FBXW4: variants seen among roughly 807,000 people sequenced by gnomAD.
The protein encoded by FBXW4 is F-box/WD repeat-containing protein 4.
In FBXW4, 40 loss-of-function variants were observed where a neutral mutation model predicts 61.8. That is an observed-to-expected ratio of 0.65 (90% CI 0.50 to 0.84). The LOEUF is 0.84. FBXW4 is among the 40% of genes least tolerant of loss of function. FBXW4 has a pLI of 0.00. For synonymous variants in FBXW4, 311 were observed against 313.8 expected (o/e 0.99, Z 0.10); for missense variants, 672 against 753.8 (o/e 0.89, Z 1.27).
Position 101,694,850 on chromosome 10 carries a change from C to G in FBXW4, c.256G>C (p.Glu86Gln), listed in dbSNP as rs2064659775. 2.3e-6 allele frequency: 3 copies of G among 1,280,776 alleles called. No individual in the cohort carries two copies. The highest frequency in any genetic ancestry group is 3.0e-6 in the Non-Finnish European group (3 of 1,016,154). The allele number at this position is 1,280,776 out of a possible 1,614,324, so 79.3% of individuals were successfully genotyped here. A position where few individuals can be genotyped will look rare whatever the true frequency, so the allele number is the denominator to read the frequency against. ...GARACPREEA[E>Q]GGRSVEEGAR... is the part of the protein sequence containing the mutation. Reference sequence around the variant, plus strand: ...CCTTCCTCCACGCTTCTGCCTCCCTCTGCTTCCTCCCTTGGGCATGCCCTC... The same window carrying G: ...CCTTCCTCCACGCTTCTGCCTCCCTGTGCTTCCTCCCTTGGGCATGCCCTC... The change falls in exon 1 of 9, where the codon GAG becomes CAG. Residue 86 changes from glutamate (E) to glutamine (Q), a missense_variant. Transcript: ENST00000331272. This position sits in a 1 kb window ranked among gnomAD's most constrained non-coding sequence, Gnocchi z 6.0.
At chr10:101,614,577 A>C (rs2063812292) in intron 6 of FBXW4, among the ~76,000 whole-genome samples, 1 of 152,218 alleles carries the variant, frequency 6.6e-6, no homozygotes, top group Non-Finnish European at 1.5e-5. Context: ...GGCCAGCACA[A>C]GTCCTGAGAG....
At chr10:101,616,097 A>C (rs2063824958) in intron 6 of FBXW4, among the ~76,000 whole-genome samples, 1 of 152,086 alleles carries the variant, frequency 6.6e-6, no homozygotes, top group Non-Finnish European at 1.5e-5. Context: ...TCATTCCTGC[A>C]TCTGTTTGAG....
intron 6 of FBXW4, among the ~76,000 whole-genome samples, chr10:101,619,558 C>G (rs539940505): frequency 1.3e-5 from 2 of 151,846 alleles, no homozygotes; most frequent in African/African-American, 2.4e-5. Flanking sequence ...ACTCGGGAGG[C>G]TGAGGCAGGA....
At chr10:101,692,624 G>A (rs142079493) in intron 1 of FBXW4, among the ~76,000 whole-genome samples, 3,546 of 151,442 alleles carry the variant, frequency 0.023, 56 homozygotes, top group Non-Finnish European at 0.036. Context: ...GTGTGGTGGT[G>A]CATGCCTGTA....
chr10:101,633,878 AG>A (rs1001416615), intron 5 of FBXW4, among the ~76,000 whole-genome samples: 2 of 152,130 alleles, frequency 1.3e-5, no homozygotes, highest in African/African-American at 4.8e-5. Context: ...TAGGAGGCTG[AG>A]GGGGGTGGAT....
intron 1 of FBXW4, among the ~76,000 whole-genome samples, chr10:101,678,214 A>G: frequency 6.6e-6 from 1 of 152,248 alleles, no homozygotes; most frequent in East Asian, 1.9e-4. Flanking sequence ...AATAGGGAGA[A>G]GAGCTCTAAG....
Position 101,694,722 on chromosome 10 carries a change from C to T in FBXW4, c.384G>A (p.Arg128=). Residue 128 remains arginine (R), a synonymous_variant, in exon 1 of 9, where the codon AGG becomes AGA. Coordinates refer to ENST00000331272, the MANE Select transcript of FBXW4 (RefSeq NM_022039.4). The surrounding 1 kb of genome is among the most constrained non-coding windows in gnomAD (Gnocchi z 6.0). ...GKKEEWRVRA[R]RREGARPGRA... ...TTCCCGGCCTGGCGCCCTCCCGCCGCCTAGCCCTGACCCTCCATTCCTCCT... is the reference window on the plus strand; with the variant it reads ...TTCCCGGCCTGGCGCCCTCCCGCCGTCTAGCCCTGACCCTCCATTCCTCCT... 1 of 1,375,830 alleles carries T rather than the reference C, an allele frequency of 7.3e-7. No individual in the cohort carries two copies. Among genetic ancestry groups the T allele is most frequent in the Non-Finnish European group, 9.3e-7 (1 of 1,073,308 alleles). The allele number at this position is 1,375,830 out of a possible 1,614,324, so 85.2% of individuals were successfully genotyped here. A position where few individuals can be genotyped will look rare whatever the true frequency, so the allele number is the denominator to read the frequency against.
chr10:101,641,034 T>A (rs1263811819), intron 5 of FBXW4, among the ~76,000 whole-genome samples: 6 of 150,804 alleles, frequency 4.0e-5, no homozygotes, highest in Admixed American at 2.6e-4. Context: ...TTTCACCATG[T>A]TGGCCAGGCT....
chr10:101,676,323 A>C lies in FBXW4; in HGVS notation c.821+18T>G. ...TTTATGTCCCAAGTAGCTTTTAAAA[A>C]GTCAAGAGGCTACTTGCCTGCATCT... On this transcript the variant is annotated intron_variant, in intron 2 of 8. Coordinates refer to ENST00000331272, the MANE Select transcript of FBXW4 (RefSeq NM_022039.4). 6.2e-7 allele frequency: 1 copy of C among 1,607,886 alleles called. No individual in the cohort carries two copies. The highest frequency in any genetic ancestry group is 1.1e-5 in the South Asian group (1 of 90,704).
At chr10:101,663,974 T>C (rs1047940691) in intron 5 of FBXW4, among the ~76,000 whole-genome samples, 1 of 152,166 alleles carries the variant, frequency 6.6e-6, no homozygotes, top group Middle Eastern at 3.2e-3. Flanking sequence ...GAAGAAAAGG[T>C]CCTTGCCTGC....
intron 1 of FBXW4, among the ~76,000 whole-genome samples, chr10:101,692,786 C>G (rs2064624369): frequency 7.1e-6 from 1 of 140,658 alleles, no homozygotes; most frequent in Non-Finnish European, 1.5e-5. Flanking sequence ...TGTAAGAAAA[C>G]CAGTGGGAAA....
rs191563869 is a variant in FBXW4, at chr10:101,637,166, G to C, written c.1236-12356C>G. ...TGGGAGGCTGAGGCGGGCGGATCAC[G>C]AGGTCAGGAGATCAAGACCATCCTG... On this transcript the variant is annotated intron_variant, in intron 5 of 8. Coordinates refer to ENST00000331272, the MANE Select transcript of FBXW4 (RefSeq NM_022039.4). Among the ~76,000 whole-genome samples, 5 of 139,190 alleles carry C rather than the reference G, an allele frequency of 3.6e-5. No individual in the cohort carries two copies. The East Asian group carries it at 9.2e-4, about 26-fold the overall frequency. 91.3% of individuals were successfully genotyped at this position (139,190 alleles called of 152,430 possible). A position where few individuals can be genotyped will look rare whatever the true frequency, so the allele number is the denominator to read the frequency against.
At chr10:101,625,040 G>A (rs2063896869) in intron 5 of FBXW4, 2 of 590,272 alleles carry the variant, frequency 3.4e-6, no homozygotes, top group East Asian at 5.8e-5. Context: ...CTCAGCCACA[G>A]CTGGGCCTGC....
At chr10:101,615,620 C>A (rs755725099) in intron 6 of FBXW4, among the ~76,000 whole-genome samples, 1 of 152,060 alleles carries the variant, frequency 6.6e-6, no homozygotes, top group Non-Finnish European at 1.5e-5. Context: ...CCCCCTGGCC[C>A]AAACCATCCT....
intron 4 of FBXW4, 57 bp downstream of exon 4, chr10:101,672,858 C>T: frequency 1.3e-6 from 2 of 1,575,806 alleles, no homozygotes; most frequent in Non-Finnish European, 1.7e-6. Flanking sequence ...GGGATCTATC[C>T]ACCCCCTCCC....
chr10:101,630,145 C>T (rs2063939615), intron 5 of FBXW4, among the ~76,000 whole-genome samples: 1 of 152,240 alleles, frequency 6.6e-6, no homozygotes, highest in South Asian at 2.1e-4. Context: ...GAAGGCCAGG[C>T]TGCCTAATAG....
chr10:101,670,099 T>A (rs538374625), intron 4 of FBXW4, among the ~76,000 whole-genome samples: 1 of 152,352 alleles, frequency 6.6e-6, no homozygotes, highest in South Asian at 2.1e-4. Context: ...AGACTGGTGA[T>A]ACGCATCACA....
chr10:101,673,070 ACC>A (rs766203565), intron 3 of FBXW4, 23 bp from the exon 4 acceptor site: 1 of 1,605,662 alleles, frequency 6.2e-7, no homozygotes, highest in Admixed American at 1.7e-5. Context: ...TAAGGAGCCG[ACC>A]CCCAAGAACC....
chr10:101,661,267 G>A (rs570683110), intron 5 of FBXW4, among the ~76,000 whole-genome samples: 1 of 152,302 alleles, frequency 6.6e-6, no homozygotes, highest in East Asian at 1.9e-4. Flanking sequence ...GCCAGCCAGG[G>A]CTCGGAGAGT....
Sources: allele counts gnomAD v4.1 joint callset (sites outside exome capture counted in the v4.1 genomes callset), GRCh38; gene constraint gnomAD v4.1.1; non-coding constraint Gnocchi (gnomAD v3.1); transcripts MANE v1.5; gene names NCBI Gene and HGNC (gene_info 2026-07-23, HGNC 2026-07-21).